Variants in VEGFC observed in about 807,000 individuals in gnomAD.
VEGFC encodes the protein vascular endothelial growth factor C.
VEGFC carries 12 observed loss-of-function variants against 46.1 expected under a neutral mutation model. The observed-to-expected ratio is 0.26, with a 90% CI of 0.17 to 0.42. VEGFC has a LOEUF of 0.42. VEGFC is among the 10% of genes least tolerant of loss of function. The pLI is 1.00. For synonymous variants in VEGFC, 232 were observed against 195.5 expected (o/e 1.19, Z -1.56); for missense variants, 488 against 529.4 (o/e 0.92, Z 0.77).
At chr4:176,688,112 C>T (rs1305545268) in intron 4 of VEGFC, among the ~76,000 whole-genome samples, 185 bp from the exon 5 acceptor site, 1 of 152,180 alleles carries the variant, frequency 6.6e-6, no homozygotes, top group Non-Finnish European at 1.5e-5. Flanking sequence ...ATTCCAATCC[C>T]AGAGGTGATC....
rs549319127 is a variant in VEGFC at position 176,686,346 on chromosome 4, G to C, written c.1145+841C>G. Among the ~76,000 whole-genome samples, 103 of 152,250 alleles carry C rather than the reference G, an allele frequency of 6.8e-4. 2 individuals carry two copies. In the South Asian group the frequency reaches 0.021, roughly 31 times the overall value. The stretch of plus-strand genomic sequence containing the variant: ...TGAAAGAGGTGAAAACAAATGCCTC[G>C]TTTTTGAGCAGCTTTGAAGAGAACA... On this transcript the variant is annotated intron_variant, in intron 6 of 6. Coordinates refer to ENST00000618562, the MANE Select transcript of VEGFC (RefSeq NM_005429.5).
At chr4:176,780,387 A>AAAAAAAACAAAAAAC (rs1553997800) in intron 1 of VEGFC, among the ~76,000 whole-genome samples, 6 of 114,780 alleles carry the variant, frequency 5.2e-5, no homozygotes, top group Non-Finnish European at 8.5e-5. Context: ...ATCTCAAAAA[A>AAAAAAAACAAAAAAC]AAAAAAAAAA....
At chr4:176,766,586 C>CAAAA (rs34010850) in intron 1 of VEGFC, among the ~76,000 whole-genome samples, 1 of 137,504 alleles carries the variant, frequency 7.3e-6, no homozygotes, top group South Asian at 2.3e-4. Flanking sequence ...CACTCTGTCT[C>CAAAA]AAAAAAAAAA....
intron 1 of VEGFC, among the ~76,000 whole-genome samples, chr4:176,744,896 CTTACACCATA>C (rs1735236336): frequency 6.6e-6 from 1 of 152,066 alleles, no homozygotes; most frequent in Non-Finnish European, 1.5e-5. Flanking sequence ...GCCTGTGTTA[CTTACACCATA>C]TTACATTATT....
chr4:176,698,596 G>C (rs925365487), intron 4 of VEGFC, among the ~76,000 whole-genome samples: 2 of 152,006 alleles, frequency 1.3e-5, no homozygotes, highest in Non-Finnish European at 2.9e-5. Context: ...GTGTGTGGGG[G>C]AGTTGGGGGG....
chr4:176,772,582 C>T (rs1735741181), intron 1 of VEGFC, among the ~76,000 whole-genome samples: 2 of 152,140 alleles, frequency 1.3e-5, no homozygotes. Context: ...AATGTGTTCC[C>T]CAAACTTCAT....
At chr4:176,733,094 T>C (rs1015447169) in intron 1 of VEGFC, among the ~76,000 whole-genome samples, 14 of 151,840 alleles carry the variant, frequency 9.2e-5, no homozygotes, top group African/African-American at 1.2e-4. Flanking sequence ...TTAGAGTGGA[T>C]AAAATTAAAA....
chr4:176,729,763 C>A lies in VEGFC; in HGVS notation c.148-17G>T, dbSNP rs748341104. 20 of 1,552,998 alleles carry A rather than the reference C, an allele frequency of 1.3e-5. No individual in the cohort carries two copies. Among genetic ancestry groups the A allele is most frequent in the Non-Finnish European group, 1.5e-5 (17 of 1,150,166 alleles). ...TGCATAAGCCTGTCAAAGAAAAATG[C>A]AAGATCAATGACTTACCAGCTTAAG... On this transcript the variant is annotated splice_polypyrimidine_tract_variant and intron_variant, in intron 1 of 6. Transcript: ENST00000618562.
chr4:176,750,030 A>G (rs1415620218), intron 1 of VEGFC, among the ~76,000 whole-genome samples: 1 of 151,852 alleles, frequency 6.6e-6, no homozygotes, highest in South Asian at 2.1e-4. Context: ...TCGGTAAACA[A>G]TCTTCAATTC....
intron 4 of VEGFC, among the ~76,000 whole-genome samples, chr4:176,699,659 G>A (rs1734391602): frequency 6.6e-6 from 1 of 152,156 alleles, no homozygotes; most frequent in Non-Finnish European, 1.5e-5. Flanking sequence ...CCTGACGCTT[G>A]TATACACTTG....
rs1172517905 is a variant in VEGFC at position 176,683,568 on chromosome 4, A to G, written c.*358T>C. 6.0e-6 allele frequency: 1 copy of G among 165,546 alleles called. No homozygotes were observed. The highest frequency in any genetic ancestry group is 2.4e-5 in the African/African-American group (1 of 41,832). The allele number at this position is 165,546 out of a possible 1,614,324, so 10.3% of individuals were successfully genotyped here. A position where few individuals can be genotyped will look rare whatever the true frequency, so the allele number is the denominator to read the frequency against. ...ATACAATTTTCATTTTATTTTAAAC[A>G]TATTTTGCATGATATAAAAATATTG... On this transcript the variant is annotated 3_prime_UTR_variant, in exon 7 of 7. Coordinates refer to ENST00000618562, the MANE Select transcript of VEGFC (RefSeq NM_005429.5).
chr4:176,784,063 G>GTTT (rs66870525), intron 1 of VEGFC, among the ~76,000 whole-genome samples: 3,105 of 45,836 alleles, frequency 0.068, 191 homozygotes, highest in African/African-American at 0.11. Context: ...TGCACATGCT[G>GTTT]TTTTTTTTTT....
intron 3 of VEGFC, among the ~76,000 whole-genome samples, chr4:176,718,576 G>A (rs544759852): frequency 1.3e-5 from 2 of 152,086 alleles, no homozygotes; most frequent in Admixed American, 6.5e-5. Context: ...AGATGGCAAT[G>A]TAGAATTTAA....
At chr4:176,702,279 G>T (rs1036751545) in intron 4 of VEGFC, among the ~76,000 whole-genome samples, 2 of 152,034 alleles carry the variant, frequency 1.3e-5, no homozygotes, top group Admixed American at 6.6e-5. Flanking sequence ...AGAAATAAAA[G>T]ACAGCAAATA....
At chr4:176,777,656 T>C (rs1735836444) in intron 1 of VEGFC, among the ~76,000 whole-genome samples, 1 of 152,014 alleles carries the variant, frequency 6.6e-6, no homozygotes, top group Non-Finnish European at 1.5e-5. Context: ...GCTCCGTGGC[T>C]CACACCTGTA....
intron 1 of VEGFC, among the ~76,000 whole-genome samples, chr4:176,760,522 C>T (rs1311478220): frequency 2.0e-5 from 3 of 152,106 alleles, no homozygotes; most frequent in Admixed American, 6.6e-5. Flanking sequence ...TATTTATCAG[C>T]CCTGTAACTG....
At chr4:176,729,416 G>C in intron 2 of VEGFC, 117 bp downstream of exon 2, 1 of 775,772 alleles carries the variant, frequency 1.3e-6, no homozygotes, top group South Asian at 2.2e-5. Flanking sequence ...TTTTCTATTT[G>C]CTTTCCGCCC....
At chr4:176,751,825 G>A (rs955356005) in intron 1 of VEGFC, among the ~76,000 whole-genome samples, 2 of 151,734 alleles carry the variant, frequency 1.3e-5, no homozygotes, top group African/African-American at 4.8e-5. Context: ...CTTATATGGG[G>A]GTCTTCAATT....
At chr4:176,710,028 T>C (rs1216778828) in intron 4 of VEGFC, among the ~76,000 whole-genome samples, 1 of 152,138 alleles carries the variant, frequency 6.6e-6, no homozygotes, top group African/African-American at 2.4e-5. Flanking sequence ...ACTCTGTGAT[T>C]TCAAGGCCTC....
Sources: allele counts gnomAD v4.1 joint callset (sites outside exome capture counted in the v4.1 genomes callset), GRCh38; gene constraint gnomAD v4.1.1; transcripts MANE v1.5; gene names NCBI Gene and HGNC (gene_info 2026-07-23, HGNC 2026-07-21).